Variants in PRKCH observed in about 807,000 individuals in gnomAD.
PRKCH encodes protein kinase C eta type.
Under a neutral mutation model 82.5 loss-of-function variants are expected in PRKCH, and 28 were observed. That is an observed-to-expected ratio of 0.34 (90% CI 0.25 to 0.47). The LOEUF (loss-of-function observed/expected upper bound fraction) is 0.47, where lower values mean the gene tolerates loss of function less well. Ranked by LOEUF, PRKCH falls within the 20% of genes least tolerant of loss-of-function variation. PRKCH has a pLI of 1.00. For synonymous variants in PRKCH, 322 were observed against 327.4 expected, an observed-to-expected ratio of 0.98 and a Z score of 0.18; for missense variants, 705 against 881.8, an observed-to-expected ratio of 0.80 and a Z score of 2.54.
chr14:61,272,288 G>A (rs1236607527), intron 1 of PRKCH, among the ~76,000 whole-genome samples: 1 of 147,210 alleles, frequency 6.8e-6, no homozygotes, highest in Non-Finnish European at 1.5e-5. Flanking sequence ...TGTCTGGTAA[G>A]TTGTATGTGC....
intron 12 of PRKCH, among the ~76,000 whole-genome samples, chr14:61,531,416 A>C: frequency 6.6e-6 from 1 of 152,228 alleles, no homozygotes; most frequent in African/African-American, 2.4e-5. Flanking sequence ...TGGCATAAGA[A>C]TTACTATCCT....
chr14:61,233,692 C>G (rs530776675), intron 1 of PRKCH, among the ~76,000 whole-genome samples: 200 of 152,240 alleles, frequency 1.3e-3, no homozygotes, highest in African/African-American at 4.6e-3. Context: ...TTAGTTATCA[C>G]GAGATCTGAT....
chr14:61,215,697 T>C (rs886687011), intron 1 of PRKCH, among the ~76,000 whole-genome samples: 2 of 152,258 alleles, frequency 1.3e-5, no homozygotes, highest in Non-Finnish European at 2.9e-5. Context: ...GCCTCTGCCC[T>C]GAGGTCTGCC....
chr14:61,322,514 C>A, intron 1 of PRKCH, 50 bp downstream of exon 1: 1 of 1,543,230 alleles, frequency 6.5e-7, no homozygotes, highest in South Asian at 1.2e-5. Context: ...CCCCGTTCCC[C>A]TTATGTTTTT....
chr14:61,527,151 AT>A (rs2042976736), intron 10 of PRKCH, among the ~76,000 whole-genome samples: 1 of 152,166 alleles, frequency 6.6e-6, no homozygotes, highest in African/African-American at 2.4e-5. Context: ...GTACATGGCC[AT>A]GTTCCTGCCG....
intron 1 of PRKCH, among the ~76,000 whole-genome samples, chr14:61,194,646 A>G (rs1419685515): frequency 6.6e-6 from 1 of 152,136 alleles, no homozygotes; most frequent in Non-Finnish European, 1.5e-5. Flanking sequence ...TAAGACATCC[A>G]TTTACCCTAT....
chr14:61,249,783 G>A (rs1203468882), intron 1 of PRKCH, among the ~76,000 whole-genome samples: 1 of 151,692 alleles, frequency 6.6e-6, no homozygotes, highest in Non-Finnish European at 1.5e-5. Context: ...ACCACACCCA[G>A]CTAATTTTTG....
chr14:61,311,004 T>C (rs1477779969), intron 1 of PRKCH, among the ~76,000 whole-genome samples: 2 of 152,224 alleles, frequency 1.3e-5, no homozygotes, highest in African/African-American at 4.8e-5. Context: ...CAGCAGTGCA[T>C]GGGATGCAGG....
At chr14:61,456,612 A>G (rs1884777007) in intron 7 of PRKCH, among the ~76,000 whole-genome samples, 1 of 152,198 alleles carries the variant, frequency 6.6e-6, no homozygotes, top group Non-Finnish European at 1.5e-5. Context: ...ATGGATATAG[A>G]TATCTTTGGC....
Position 61,550,774 on chromosome 14 carries a change from G to T in PRKCH, c.*943G>T, listed in dbSNP as rs773635253. 1.3e-5 allele frequency: 2 copies of T among 152,236 alleles called. No homozygotes were observed. The highest frequency in any genetic ancestry group is 2.9e-5 in the Non-Finnish European group (2 of 68,030). 9.4% of individuals were successfully genotyped at this position (152,236 alleles called of 1,614,324 possible). On this transcript the variant is annotated 3_prime_UTR_variant, in exon 14 of 14. Transcript: ENST00000332981. ...CACTGAAGAATTGCAGGCCACTCAT[G>T]TCAGTGACCAGATTTGTGGCTTATA...
intron 13 of PRKCH, among the ~76,000 whole-genome samples, chr14:61,549,238 T>C (rs886953555): frequency 7.2e-5 from 11 of 152,328 alleles, no homozygotes; most frequent in Non-Finnish European, 1.5e-4. Context: ...AGAAATCTTT[T>C]GGGAAGATCT....
At chr14:61,470,894 G>A (rs572946400) in intron 9 of PRKCH, among the ~76,000 whole-genome samples, 1 of 152,094 alleles carries the variant, frequency 6.6e-6, no homozygotes, top group South Asian at 2.1e-4. Flanking sequence ...GTGAATCCTG[G>A]GATGTGTTTG....
chr14:61,336,779 G>A (rs992478219), intron 1 of PRKCH, among the ~76,000 whole-genome samples: 9 of 152,076 alleles, frequency 5.9e-5, no homozygotes, highest in African/African-American at 1.9e-4. Context: ...TTAAAAGTAC[G>A]TCATTAGGGC....
At chr14:61,477,389 C>G (rs1005785577) in intron 9 of PRKCH, 14 of 152,190 alleles carry the variant, frequency 9.2e-5, no homozygotes, top group African/African-American at 3.4e-4. Flanking sequence ...AGTATGGTGG[C>G]TATTTCCTAC....
intron 1 of PRKCH, among the ~76,000 whole-genome samples, chr14:61,253,660 T>C (rs2044968807): frequency 6.6e-6 from 1 of 152,174 alleles, no homozygotes; most frequent in Admixed American, 6.5e-5. Flanking sequence ...CAGAGCTTGG[T>C]GGTTCAACTC....
At chr14:61,404,514 G>A (rs1004167317) in intron 2 of PRKCH, among the ~76,000 whole-genome samples, 1 of 120,730 alleles carries the variant, frequency 8.3e-6, no homozygotes, top group Non-Finnish European at 1.6e-5. Context: ...CTATGTAATG[G>A]ATGTATATAT....
intron 2 of PRKCH, among the ~76,000 whole-genome samples, chr14:61,397,162 G>A (rs1217447218): frequency 6.6e-6 from 1 of 152,096 alleles, no homozygotes; most frequent in Non-Finnish European, 1.5e-5. Flanking sequence ...TGGAGAGGAG[G>A]GGGACAGCTT....
chr14:61,370,983 G>C (rs2140173162), intron 1 of PRKCH, among the ~76,000 whole-genome samples: 1 of 152,166 alleles, frequency 6.6e-6, no homozygotes, highest in South Asian at 2.1e-4. Context: ...TACATACACA[G>C]TCTAGAAAGG....
At chr14:61,400,057 G>A (rs1006305514) in intron 2 of PRKCH, among the ~76,000 whole-genome samples, 3 of 152,184 alleles carry the variant, frequency 2.0e-5, no homozygotes, top group Non-Finnish European at 4.4e-5. Flanking sequence ...GTGCACAATG[G>A]TGCAGAATAA....
Sources: allele counts gnomAD v4.1 joint callset (sites outside exome capture counted in the v4.1 genomes callset), GRCh38; gene constraint gnomAD v4.1.1; transcripts MANE v1.5; gene names NCBI Gene and HGNC (gene_info 2026-07-23, HGNC 2026-07-21).